SLCO5A1: variants seen among roughly 807,000 people sequenced by gnomAD.
SLCO5A1 encodes organic anion transporter polypeptide-related protein 4.
A neutral mutation model predicts 65.1 loss-of-function variants in SLCO5A1; 39 were observed. That is an observed-to-expected ratio of 0.60 (90% CI 0.46 to 0.78). SLCO5A1 has a LOEUF of 0.78. Among genes scored for constraint, SLCO5A1 ranks in the 30% least tolerant of loss-of-function variants. The pLI, the probability that SLCO5A1 is intolerant of heterozygous loss-of-function variation, is 0.00. For missense variants in SLCO5A1, 1,029 were observed against 1,069.4 expected (o/e 0.96, Z 0.53); for synonymous variants, 438 against 415.7 (o/e 1.05, Z -0.65).
chr8:69,813,408 C>T (rs1230756328), intron 2 of SLCO5A1, among the ~76,000 whole-genome samples: 2 of 152,130 alleles, frequency 1.3e-5, no homozygotes, highest in Admixed American at 6.6e-5. Flanking sequence ...TAAATATGCT[C>T]TTTATTTTTA....
At chr8:69,798,233 C>A (rs1464521833) in intron 2 of SLCO5A1, among the ~76,000 whole-genome samples, 3 of 152,180 alleles carry the variant, frequency 2.0e-5, no homozygotes, top group African/African-American at 7.2e-5. Context: ...TCTAAAGTCA[C>A]TTCCACATTT....
chr8:69,811,227 A>G (rs1411444310), intron 2 of SLCO5A1, among the ~76,000 whole-genome samples: 1 of 152,166 alleles, frequency 6.6e-6, no homozygotes, highest in African/African-American at 2.4e-5. Context: ...AAGCATAAAG[A>G]TAGCCCGTGA....
chr8:69,822,299 G>A (rs1214144167), intron 2 of SLCO5A1, among the ~76,000 whole-genome samples: 2 of 152,112 alleles, frequency 1.3e-5, no homozygotes, highest in African/African-American at 4.8e-5. Flanking sequence ...CTTCAAAGGA[G>A]CTTTTACTGT....
At chr8:69,708,290 TC>T (rs1460721481) in intron 5 of SLCO5A1, among the ~76,000 whole-genome samples, 1 of 152,184 alleles carries the variant, frequency 6.6e-6, no homozygotes, top group African/African-American at 2.4e-5. Context: ...AACTCAGACT[TC>T]TTTGCCTCGT....
rs1177933887 is a variant in SLCO5A1 at position 69,829,978 on chromosome 8, T to G, written c.907+1789A>C. ...TGGGTCTGTGTCGTGGGTATACTGG[T>G]GCTTATTATACTATTGTTTCAACTT... On this transcript the variant is annotated intron_variant, in intron 2 of 9. Coordinates refer to ENST00000260126, the MANE Select transcript of SLCO5A1 (RefSeq NM_030958.3). 2.0e-5 allele frequency among the ~76,000 whole-genome samples: 3 copies of G among 152,330 alleles called. No homozygotes were observed. In the East Asian group the frequency reaches 5.8e-4, roughly 29 times the overall value.
At chr8:69,792,589 G>A (rs2130893686) in intron 2 of SLCO5A1, among the ~76,000 whole-genome samples, 1 of 152,248 alleles carries the variant, frequency 6.6e-6, no homozygotes, top group South Asian at 2.1e-4. Flanking sequence ...GGAACCCGAT[G>A]GATAAGAAAA....
rs868524111 is a variant in SLCO5A1 at position 69,824,596 on chromosome 8, A to G, written c.907+7171T>C. On this transcript the variant is annotated intron_variant, in intron 2 of 9. Coordinates refer to ENST00000260126, the MANE Select transcript of SLCO5A1 (RefSeq NM_030958.3). ...AACCAGGAAGAAGTTGAATCTCTGA[A>G]TAGACCAATAACAGGAGCTGAAATT... 9.8e-3 allele frequency among the ~76,000 whole-genome samples: 1,491 copies of G among 152,336 alleles called. 22 individuals are homozygous for G. The highest frequency in any genetic ancestry group is 0.033 in the African/African-American group (1,391 of 41,574).
chr8:69,831,859 A>G lies in SLCO5A1; in HGVS notation c.815T>C (p.Ile272Thr). 1 of 1,613,830 alleles carries G rather than the reference A, an allele frequency of 6.2e-7. No individual in the cohort carries two copies. The highest frequency in any genetic ancestry group is 8.5e-7 in the Non-Finnish European group (1 of 1,179,952). Residue 272 changes from isoleucine (I) to threonine (T), a missense_variant, in exon 2 of 10, where the codon ATT becomes ACT. Physicochemically the swap from Ile to Thr is moderately conservative, Grantham distance 89. This residue lies in a region of SLCO5A1 where 647 missense variants were observed against 647.5 expected (regional missense o/e 1.00). Transcript: ENST00000260126. ...AGGTGTGGAGCCCATTCCAATGAGA[A>G]TCTGCGCGCAAATGAATAAAGCCAC... ...VYVALFICAQ[I>T]LIGMGSTPIY...
At chr8:69,830,453 G>A (rs563191648) in intron 2 of SLCO5A1, among the ~76,000 whole-genome samples, 2 of 152,088 alleles carry the variant, frequency 1.3e-5, no homozygotes, top group East Asian at 3.9e-4. Context: ...TCAGCCTCCC[G>A]AGTAGCTGGG....
In SLCO5A1 at chr8:69,792,475, G is replaced by A. The variant is rs188752078; in HGVS notation, c.908-30600C>T. Among the ~76,000 whole-genome samples the A allele has an allele frequency of 9.2e-5, 14 of 152,260 alleles. No homozygotes were observed. In the East Asian group the frequency reaches 2.5e-3, roughly 27 times the overall value. ...AGCCAGGAAATTGGATTTTGTCCTC[G>A]GCAATGGGGAATATAAGGAGCCTAT... On this transcript the variant is annotated intron_variant, in intron 2 of 9. Transcript: ENST00000260126.
intron 5 of SLCO5A1, among the ~76,000 whole-genome samples, chr8:69,709,059 G>A (rs146341167): frequency 6.8e-4 from 103 of 152,328 alleles, no homozygotes; most frequent in African/African-American, 2.4e-3. Flanking sequence ...AGAGTGTCAT[G>A]CAGGTAGAAA....
intron 3 of SLCO5A1, among the ~76,000 whole-genome samples, chr8:69,759,352 A>C (rs1438596661): frequency 6.6e-6 from 1 of 152,188 alleles, no homozygotes; most frequent in Non-Finnish European, 1.5e-5. Context: ...TAGAACTAAC[A>C]TTGAGCCATT....
chr8:69,800,732 AGAG>A (rs1340600575), intron 2 of SLCO5A1, among the ~76,000 whole-genome samples: 42 of 152,328 alleles, frequency 2.8e-4, no homozygotes, highest in African/African-American at 1.0e-3. Context: ...AATCCATTCA[AGAG>A]TCATCTGGGA....
At chr8:69,723,179 A>G (rs1341389566) in intron 5 of SLCO5A1, among the ~76,000 whole-genome samples, 1 of 152,208 alleles carries the variant, frequency 6.6e-6, no homozygotes, top group African/African-American at 2.4e-5. Context: ...TTCTGTCTAT[A>G]AGGTTATTTT....
At chr8:69,806,819 C>T (rs1158490729) in intron 2 of SLCO5A1, among the ~76,000 whole-genome samples, 1 of 152,214 alleles carries the variant, frequency 6.6e-6, no homozygotes, top group East Asian at 1.9e-4. Flanking sequence ...AGCTTCTGGA[C>T]AAACCTTGAA....
At chr8:69,779,774 A>G (rs1449592867) in intron 2 of SLCO5A1, among the ~76,000 whole-genome samples, 1 of 152,148 alleles carries the variant, frequency 6.6e-6, no homozygotes, top group East Asian at 1.9e-4. Context: ...TTTCTCCAAA[A>G]CACAAAAAGG....
At chr8:69,681,756 A>G (rs1439061519) in intron 7 of SLCO5A1, among the ~76,000 whole-genome samples, 4 of 152,168 alleles carry the variant, frequency 2.6e-5, no homozygotes, top group African/African-American at 7.2e-5. Flanking sequence ...GATATAGTCT[A>G]TGAAAAATGG....
rs1220245227 is a variant in SLCO5A1 at position 69,832,251 on chromosome 8, C to A, written c.423G>T (p.Gln141His). The A allele has an allele frequency of 1.2e-6, 2 of 1,614,196 alleles. No individual in the cohort carries two copies. Among genetic ancestry groups the A allele is most frequent in the African/African-American group, 1.3e-5 (1 of 75,040 alleles). Residue 141 changes from glutamine (Q) to histidine (H), a missense_variant, in exon 2 of 10, where the codon CAG becomes CAT. By Grantham distance (24) the Gln-to-His change is conservative. Coordinates refer to ENST00000260126, the MANE Select transcript of SLCO5A1 (RefSeq NM_030958.3). This position sits in a 1 kb window ranked among gnomAD's most constrained non-coding sequence, Gnocchi z 4.5. ...LVCMCFLTFI[Q>H]ALMVSGYLSS... ...TCAGGTACCCAGAGACCATTAACGC[C>A]TGGATGAAGGTCAGAAAGCACATGC...
intron 4 of SLCO5A1, among the ~76,000 whole-genome samples, chr8:69,747,940 CA>C (rs1817112155): frequency 6.6e-6 from 1 of 152,146 alleles, no homozygotes; most frequent in Non-Finnish European, 1.5e-5. Context: ...TCTGTAAAAG[CA>C]AAACCAAGAC....
Sources: allele counts gnomAD v4.1 joint callset (sites outside exome capture counted in the v4.1 genomes callset), GRCh38; gene constraint gnomAD v4.1.1; regional missense constraint gnomAD v4.1.1; non-coding constraint Gnocchi (gnomAD v3.1); transcripts MANE v1.5; gene names NCBI Gene and HGNC (gene_info 2026-07-23, HGNC 2026-07-21).